The following SENP1 variants were observed in gnomAD, a reference collection of about 807,000 sequenced individuals.
The protein encoded by SENP1 is sentrin-specific protease 1.
In SENP1, 21 loss-of-function variants were observed where a neutral mutation model predicts 93.0. That is an observed-to-expected ratio of 0.23 (90% CI 0.16 to 0.33). SENP1 has a LOEUF of 0.33. SENP1 is among the 10% of genes least tolerant of loss of function. The probability of loss-of-function intolerance (pLI) is 1.00; values close to 1 mark genes in which losing one functional copy is unlikely to be tolerated. For synonymous variants in SENP1, 256 were observed against 259.6 expected, an observed-to-expected ratio of 0.99 and a Z score of 0.13; for missense variants, 591 against 758.7, an observed-to-expected ratio of 0.78 and a Z score of 2.60.
Position 48,099,893 on chromosome 12 carries a change from TATA to T in SENP1, c.4+1573_4+1575del, listed in dbSNP as rs201158591. On this transcript the variant is annotated intron_variant, in intron 2 of 17. Transcript: ENST00000549518. ...TCTTAACAGGTATCAGCTCAATAAC[TATA>T]ATATTATGGCAGAATTTTACTTCAG... 1.2e-3 allele frequency among the ~76,000 whole-genome samples: 183 copies of T among 152,330 alleles called. 2 individuals carry two copies. The East Asian group carries it at 0.032, about 27-fold the overall frequency.
rs2136716474 is a variant in SENP1 at position 48,044,909 on chromosome 12, CCCTA to C, written c.*409_*412del. Reference sequence around the variant, plus strand: ...CCATGTATATGCTGGTGGTTTTTATCCCTACCTTTTGCCCATGCCCTTTCCTACT... The same window carrying C: ...CCATGTATATGCTGGTGGTTTTTATCCCTTTTGCCCATGCCCTTTCCTACT... On this transcript the variant is annotated 3_prime_UTR_variant, in exon 18 of 18. Transcript: ENST00000549518. 5.4e-6 allele frequency: 1 copy of C among 186,058 alleles called. No homozygotes were observed. Among genetic ancestry groups the C allele is most frequent in the Non-Finnish European group, 1.1e-5 (1 of 87,034 alleles). The allele number at this position is 186,058 out of a possible 1,614,324, so 11.5% of individuals were successfully genotyped here.
intron 1 of SENP1, among the ~76,000 whole-genome samples, chr12:48,104,381 T>G (rs994264957): frequency 6.6e-6 from 1 of 150,814 alleles, no homozygotes; most frequent in Non-Finnish European, 1.5e-5. Context: ...AGCAACCATG[T>G]GAAATCACCC....
chr12:48,095,704 C>G (rs1945513839), intron 4 of SENP1, among the ~76,000 whole-genome samples: 1 of 152,076 alleles, frequency 6.6e-6, no homozygotes, highest in South Asian at 2.1e-4. Context: ...CAACAAAACT[C>G]TTAGTTTCTC....
In SENP1 at chr12:48,075,833, G is replaced by A. The variant is rs1279498887; in HGVS notation, c.553-1040C>T. Among the ~76,000 whole-genome samples, 8 of 150,366 alleles carry A rather than the reference G, an allele frequency of 5.3e-5. No individual in the cohort carries two copies. The Admixed American group carries it at 5.3e-4, about 10-fold the overall frequency. ...GAAAGTGATGGAAGGAGAGCAGCAG[G>A]AACAGGTAAGATTTCTCTAAAAAAA... On this transcript the variant is annotated intron_variant, in intron 6 of 17. Coordinates refer to ENST00000549518, the MANE Select transcript of SENP1 (RefSeq NM_001267594.2).
intron 8 of SENP1, among the ~76,000 whole-genome samples, 181 bp from the exon 9 acceptor site, chr12:48,071,902 C>T (rs7138229): frequency 2.0e-5 from 3 of 152,270 alleles, no homozygotes; most frequent in East Asian, 1.9e-4. Flanking sequence ...AGAAATAGGT[C>T]TTAGTGAAGA....
rs754127531 is a variant in SENP1, at chr12:48,044,893, T to C, written c.*429A>G. The C allele has an allele frequency of 6.0e-5, 11 of 182,826 alleles. No individual in the cohort carries two copies. The highest frequency in any genetic ancestry group is 1.1e-4 in the Non-Finnish European group (9 of 84,732). The allele number at this position is 182,826 out of a possible 1,614,324, so 11.3% of individuals were successfully genotyped here. A position where few individuals can be genotyped will look rare whatever the true frequency, so the allele number is the denominator to read the frequency against. ...GGGTGTGTGTGTATGTCCATGTATA[T>C]GCTGGTGGTTTTTATCCCTACCTTT... On this transcript the variant is annotated 3_prime_UTR_variant, in exon 18 of 18. Coordinates refer to ENST00000549518, the MANE Select transcript of SENP1 (RefSeq NM_001267594.2).
chr12:48,104,658 G>A (rs528726654), intron 1 of SENP1, among the ~76,000 whole-genome samples: 4 of 152,166 alleles, frequency 2.6e-5, no homozygotes, highest in African/African-American at 9.6e-5. Context: ...CCATAAACAG[G>A]TACCGCAAGA....
chr12:48,105,373 C>T (rs1946435159), intron 1 of SENP1: 1 of 518,820 alleles, frequency 1.9e-6, no homozygotes, highest in African/African-American at 1.9e-5. Flanking sequence ...TTAGGGTACA[C>T]CAAGAAAGAG....
intron 13 of SENP1, among the ~76,000 whole-genome samples, chr12:48,062,963 G>C (rs1024275535): frequency 1.3e-5 from 2 of 152,154 alleles, no homozygotes; most frequent in African/African-American, 4.8e-5. Context: ...TGTGAAGCTT[G>C]AGTATACCCA....
At chr12:48,078,505 C>T (rs1944296481) in intron 6 of SENP1, among the ~76,000 whole-genome samples, 2 of 151,094 alleles carry the variant, frequency 1.3e-5, no homozygotes, top group South Asian at 4.2e-4. Context: ...ATCATGTTGT[C>T]AGTAAAAGTG....
At chr12:48,068,524 C>A (rs1348214302) in intron 9 of SENP1, among the ~76,000 whole-genome samples, 1 of 152,042 alleles carries the variant, frequency 6.6e-6, no homozygotes, top group Non-Finnish European at 1.5e-5. Flanking sequence ...TCTTGAAAGG[C>A]TAGGATTAGA....
chr12:48,086,787 C>T (rs79912276), intron 5 of SENP1, among the ~76,000 whole-genome samples: 7,066 of 152,102 alleles, frequency 0.046, 537 homozygotes, highest in African/African-American at 0.16. Context: ...CCTATAATCC[C>T]AGGAAGGGAT....
intron 1 of SENP1, among the ~76,000 whole-genome samples, chr12:48,104,453 G>A (rs1946299603): frequency 6.6e-6 from 1 of 152,138 alleles, no homozygotes; most frequent in African/African-American, 2.4e-5. Context: ...TCATGTGTTT[G>A]AGGTTCTTTC....
chr12:48,083,867 A>G, intron 5 of SENP1, 105 bp from the exon 6 acceptor site: 1 of 738,202 alleles, frequency 1.4e-6, no homozygotes. Flanking sequence ...CAAACAAAAC[A>G]GGTAAAATAA....
intron 13 of SENP1, among the ~76,000 whole-genome samples, chr12:48,056,390 T>C (rs1470344111): frequency 1.8e-5 from 2 of 112,082 alleles, no homozygotes; most frequent in African/African-American, 7.3e-5. Flanking sequence ...TTTAATATAG[T>C]ACATATTACA....
intron 6 of SENP1, among the ~76,000 whole-genome samples, chr12:48,079,078 A>T (rs1435492957): frequency 6.6e-6 from 1 of 152,192 alleles, no homozygotes; most frequent in Admixed American, 6.5e-5. Flanking sequence ...TTGAGCCAGG[A>T]AGTTGAGGCG....
intron 13 of SENP1, among the ~76,000 whole-genome samples, chr12:48,059,345 C>T (rs1044153790): frequency 1.5e-4 from 23 of 152,016 alleles, no homozygotes; most frequent in African/African-American, 4.6e-4. Context: ...TTCAAGTTTA[C>T]GAATTTTTTC....
intron 6 of SENP1, chr12:48,080,281 G>C (rs1944411914): frequency 6.6e-6 from 1 of 152,144 alleles, no homozygotes; most frequent in Non-Finnish European, 1.5e-5. Flanking sequence ...TTTTCAATTT[G>C]AATTTGAATT....
chr12:48,070,692 A>G (rs17122620), intron 9 of SENP1, among the ~76,000 whole-genome samples: 25,327 of 152,166 alleles, frequency 0.17, 2,440 homozygotes, highest in East Asian at 0.28. Context: ...AATGTCTGAT[A>G]AACCACCCTT....
Sources: gnomAD v4.1 joint callset for allele counts (sites outside exome capture counted in the v4.1 genomes callset) on GRCh38, gnomAD v4.1.1 for gene constraint, MANE v1.5 for transcripts, NCBI Gene and HGNC (gene_info 2026-07-23, HGNC 2026-07-21) for gene names.